Variants in INMT observed in about 807,000 individuals in gnomAD.
INMT encodes the protein indolethylamine N-methyltransferase.
In INMT, 11 loss-of-function variants were observed where a neutral mutation model predicts 11.5. The ratio of observed to expected loss-of-function variants is 0.95; its 90% CI spans 0.60 to 1.58. The LOEUF is 1.58. Ranked by LOEUF, INMT falls within the 40% of genes most tolerant of loss-of-function variation. The pLI is 0.00. For missense variants in INMT, 316 were observed against 336.1 expected (o/e 0.94, Z 0.47); for synonymous variants, 155 against 142.9 (o/e 1.08, Z -0.60).
Position 30,756,172 on chromosome 7 carries a change from G to A in INMT, c.*321G>A. On this transcript the variant is annotated 3_prime_UTR_variant, in exon 3 of 3. Transcript: ENST00000013222. ...GTCTACCTAATATGTTAAGGACAAG[G>A]AAACCTCTGAGTCTACCTAATATGT... 9.1e-7 allele frequency: 1 copy of A among 1,095,282 alleles called. No homozygotes were observed. The highest frequency in any genetic ancestry group is 1.6e-5 in the African/African-American group (1 of 62,240). 67.8% of individuals were successfully genotyped at this position (1,095,282 alleles called of 1,614,324 possible). A position where few individuals can be genotyped will look rare whatever the true frequency, so the allele number is the denominator to read the frequency against.
chr7:30,757,426 C>T lies in INMT; in HGVS notation c.*1575C>T. ...AGGAGCCAGGACACAGCTCAGCTTG[C>T]TCACGCCCAGAGAGAGAAAAAGTTA... is the stretch of plus-strand genomic sequence containing the variant. On this transcript the variant is annotated 3_prime_UTR_variant, in exon 3 of 3. Coordinates refer to ENST00000013222, the MANE Select transcript of INMT (RefSeq NM_006774.5). 1 of 226,972 alleles carries T rather than the reference C, an allele frequency of 4.4e-6. No homozygotes were observed. The highest frequency in any genetic ancestry group is 8.7e-6 in the Non-Finnish European group (1 of 115,084). The allele number at this position is 226,972 out of a possible 1,614,324, so 14.1% of individuals were successfully genotyped here. A position where few individuals can be genotyped will look rare whatever the true frequency, so the allele number is the denominator to read the frequency against.
At chr7:30,752,839 A>C (rs1033357194) in intron 1 of INMT, among the ~76,000 whole-genome samples, 1 of 152,264 alleles carries the variant, frequency 6.6e-6, no homozygotes, top group Middle Eastern at 3.4e-3. Context: ...TGCACGATGG[A>C]TGGTGACTTC....
At position 30,756,404 on chromosome 7, in the gene INMT, T is replaced by TTTTTTTTTTTTA. The variant is rs1786249253; in HGVS notation, c.*564_*565insATTTTTTTTTTT. 6.9e-6 allele frequency: 1 copy of TTTTTTTTTTTTA among 144,334 alleles called. No homozygotes were observed. The highest frequency in any genetic ancestry group is 2.8e-5 in the African/African-American group (1 of 35,788). The allele number at this position is 144,334 out of a possible 1,614,324, so 8.9% of individuals were successfully genotyped here. ...GAGCTCGCCACCACACCCAGCTAAT[T>TTTTTTTTTTTTA]TTTTTTTTTTTTTTTTTATTTGAGA... On this transcript the variant is annotated 3_prime_UTR_variant, in exon 3 of 3. Transcript: ENST00000013222.
Position 30,753,814 on chromosome 7 carries a change from G to C in INMT, c.238G>C (p.Asp80His). ...QVLAACDSFQ[D>H]ITLSDFTDRN... is the part of the protein sequence containing the mutation. ...TCTTGCTGCCTGTGATTCCTTCCAA[G>C]ACATCACTCTCTCCGACTTTACCGA... Residue 80 changes from aspartate to histidine, a missense_variant, in exon 2 of 3, where the codon GAC (aspartate) becomes CAC (histidine). Transcript: ENST00000013222. 1 of 1,614,184 alleles carries C rather than the reference G, an allele frequency of 6.2e-7. No individual in the cohort carries two copies. Among genetic ancestry groups the C allele is most frequent in the Non-Finnish European group, 8.5e-7 (1 of 1,180,036 alleles).
Position 30,755,770 on chromosome 7 carries a change from C to G in INMT, c.711C>G (p.His237Gln). The G allele has an allele frequency of 6.2e-7, 1 of 1,614,198 alleles. No individual in the cohort carries two copies. Among genetic ancestry groups the G allele is most frequent in the Non-Finnish European group, 8.5e-7 (1 of 1,180,022 alleles). The change falls in exon 3 of 3, where the codon CAC becomes CAG. Residue 237 changes from histidine to glutamine, a missense_variant. Physicochemically the swap from His to Gln is conservative, Grantham distance 24. Coordinates refer to ENST00000013222, the MANE Select transcript of INMT (RefSeq NM_006774.5). The stretch of plus-strand genomic sequence containing the variant: ...GCTTTGACATTGAACAGCTCCTACA[C>G]AGTCCCCAGAGCTACTCTGTCACCA... ...DAGFDIEQLLHSPQSYSVTNA... is the reference protein window; with the variant it reads ...DAGFDIEQLLQSPQSYSVTNA...
In INMT at chr7:30,755,754, T is replaced by C. The variant is rs772293503; in HGVS notation, c.695T>C (p.Ile232Thr). 1.2e-5 allele frequency: 19 copies of C among 1,614,170 alleles called. No individual in the cohort carries two copies. Among genetic ancestry groups the C allele is most frequent in the Non-Finnish European group, 1.3e-5 (15 of 1,180,024 alleles). The change falls in exon 3 of 3, where the codon ATT becomes ACT. Residue 232 changes from isoleucine to threonine, a missense_variant. By Grantham distance (89) the Ile-to-Thr change is moderately conservative. Transcript: ENST00000013222. ...EQAVLDAGFD[I>T]EQLLHSPQSY... Reference sequence around the variant, plus strand: ...GCTGTCCTGGATGCTGGCTTTGACATTGAACAGCTCCTACACAGTCCCCAG... The same window carrying C: ...GCTGTCCTGGATGCTGGCTTTGACACTGAACAGCTCCTACACAGTCCCCAG...
chr7:30,752,530 G>T (rs1053795466), intron 1 of INMT, among the ~76,000 whole-genome samples: 1 of 152,198 alleles, frequency 6.6e-6, no homozygotes, highest in South Asian at 2.1e-4. Context: ...GCACAGCCCC[G>T]TGCAGTTCCC....
chr7:30,752,407 T>C (rs1786106607), intron 1 of INMT, 103 bp downstream of exon 1: 14 of 965,226 alleles, frequency 1.5e-5, no homozygotes, highest in Non-Finnish European at 1.9e-5. Context: ...CTAGGGGTTT[T>C]TGGGGATGGG....
chr7:30,756,194 A>G lies in INMT; in HGVS notation c.*343A>G, dbSNP rs1285979160. 1.9e-6 allele frequency: 2 copies of G among 1,055,040 alleles called. No homozygotes were observed. The highest frequency in any genetic ancestry group is 1.1e-6 in the Non-Finnish European group (1 of 873,274). 65.4% of individuals were successfully genotyped at this position (1,055,040 alleles called of 1,614,324 possible). A position where few individuals can be genotyped will look rare whatever the true frequency, so the allele number is the denominator to read the frequency against. On this transcript the variant is annotated 3_prime_UTR_variant, in exon 3 of 3. Transcript: ENST00000013222. ...AAGGAAACCTCTGAGTCTACCTAAT[A>G]TGTTAAGGACAAGGAAACCTCTGGA...
rs58472657 is a variant in INMT, at chr7:30,756,402, A to ATTTTTTTTTTTTTTTTTTTTTTT, written c.*570_*571insTTTTTTTTTTTTTTTTTTTTTTT. On this transcript the variant is annotated 3_prime_UTR_variant, in exon 3 of 3. Coordinates refer to ENST00000013222, the MANE Select transcript of INMT (RefSeq NM_006774.5). ...AGGAGCTCGCCACCACACCCAGCTAATTTTTTTTTTTTTTTTTTTATTTGA... is the reference window on the plus strand; with the variant it reads ...AGGAGCTCGCCACCACACCCAGCTAATTTTTTTTTTTTTTTTTTTTTTTTTTTTTTTTTTTTTTTTTTATTTGA... 3 of 95,636 alleles carry ATTTTTTTTTTTTTTTTTTTTTTT rather than the reference A, an allele frequency of 3.1e-5. No individual in the cohort carries two copies. The highest frequency in any genetic ancestry group is 9.0e-5 in the African/African-American group (2 of 22,344). 5.9% of individuals were successfully genotyped at this position (95,636 alleles called of 1,614,324 possible).
chr7:30,753,915 C>A lies in INMT; in HGVS notation c.339C>A (p.Phe113Leu). The change falls in exon 2 of 3, where the codon TTC (phenylalanine) becomes TTA (leucine). Residue 113 changes from phenylalanine to leucine, a missense_variant. Transcript: ENST00000013222. ...GAYDWTPAVK[F>L]ACELEGNSGR... Reference sequence around the variant, plus strand: ...ATGACTGGACCCCAGCGGTGAAATTCGCCTGTGAGCTGGAAGGAAACAGGT... The same window carrying A: ...ATGACTGGACCCCAGCGGTGAAATTAGCCTGTGAGCTGGAAGGAAACAGGT... 6.2e-7 allele frequency: 1 copy of A among 1,613,994 alleles called. No individual in the cohort carries two copies. The highest frequency in any genetic ancestry group is 8.5e-7 in the Non-Finnish European group (1 of 1,179,984).
intron 1 of INMT, among the ~76,000 whole-genome samples, chr7:30,753,088 G>A (rs537902899): frequency 8.1e-4 from 123 of 152,310 alleles, no homozygotes; most frequent in Middle Eastern, 3.4e-3. Context: ...AGCTTGGAAG[G>A]CCAAGTGATG....
intron 1 of INMT, 30 bp from the exon 2 acceptor site, chr7:30,753,701 C>G (rs749054310): frequency 6.3e-7 from 1 of 1,597,394 alleles, no homozygotes; most frequent in Admixed American, 1.7e-5. Context: ...TTTCTTTTAC[C>G]CATCCATTAC....
chr7:30,755,426 C>A lies in INMT; in HGVS notation c.367C>A (p.Arg123=). The change falls in exon 3 of 3, where the codon CGA becomes AGA. Residue 123 remains arginine, a synonymous_variant. Transcript: ENST00000013222. ...FACELEGNSG[R]WEEKEEKLRA... ...ACTCCCTCTCTCTCTCTGCAGCGGC[C>A]GATGGGAGGAGAAGGAGGAGAAGCT... 1.9e-6 allele frequency: 3 copies of A among 1,590,878 alleles called. No individual in the cohort carries two copies. The highest frequency in any genetic ancestry group is 2.6e-6 in the Non-Finnish European group (3 of 1,175,800).
Position 30,755,251 on chromosome 7 carries a change from G to T in INMT, c.363-171G>T, listed in dbSNP as rs540138909. Among the ~76,000 whole-genome samples, 20 of 152,188 alleles carry T rather than the reference G, an allele frequency of 1.3e-4. No individual in the cohort carries two copies. In the South Asian group the frequency reaches 3.1e-3, roughly 24 times the overall value. The stretch of plus-strand genomic sequence containing the variant: ...CATTCTCCCTAACCATTTTTCTTTG[G>T]GAGAAACTGAGGCTCAGATTGAAGA... On this transcript the variant is annotated intron_variant, in intron 2 of 2. Transcript: ENST00000013222.
At position 30,753,852 on chromosome 7, in the gene INMT, G is replaced by A. The variant is rs1355447135; in HGVS notation, c.276G>A (p.Glu92=). The A allele has an allele frequency of 2.5e-6, 4 of 1,614,230 alleles. No homozygotes were observed. Among genetic ancestry groups the A allele is most frequent in the East Asian group, 4.5e-5 (2 of 44,888 alleles). ...CCGACTTTACCGACCGCAACCGGGA[G>A]GAGCTGGAAAAGTGGCTGAAGAAGG... ...TLSDFTDRNR[E]ELEKWLKKEP... Residue 92 remains glutamate (E), a synonymous_variant, in exon 2 of 3, where the codon GAG becomes GAA. Transcript: ENST00000013222.
chr7:30,753,858 G>A lies in INMT; in HGVS notation c.282G>A (p.Leu94=), dbSNP rs113474959. Residue 94 remains leucine, a synonymous_variant, in exon 2 of 3, where the codon CTG becomes CTA. Coordinates refer to ENST00000013222, the MANE Select transcript of INMT (RefSeq NM_006774.5). ...SDFTDRNREE[L]EKWLKKEPGA... ...TTACCGACCGCAACCGGGAGGAGCT[G>A]GAAAAGTGGCTGAAGAAGGAGCCGG... is the stretch of plus-strand genomic sequence containing the variant. 21 of 1,614,198 alleles carry A rather than the reference G, an allele frequency of 1.3e-5. No homozygotes were observed. The African/African-American group carries it at 1.3e-4, about 10-fold the overall frequency.
In INMT at chr7:30,753,904, G is replaced by A. The variant is rs371320528; in HGVS notation, c.328G>A (p.Ala110Thr). Residue 110 changes from alanine (A) to threonine (T), a missense_variant, in exon 2 of 3, where the codon GCG (alanine) becomes ACG (threonine). Physicochemically the swap from Ala to Thr is moderately conservative, Grantham distance 58 (BLOSUM62 0). Coordinates refer to ENST00000013222, the MANE Select transcript of INMT (RefSeq NM_006774.5). The part of the protein sequence containing the change: ...KEPGAYDWTP[A>T]VKFACELEGN... ...GCCGGGGGCCTATGACTGGACCCCA[G>A]CGGTGAAATTCGCCTGTGAGCTGGA... The A allele has an allele frequency of 1.9e-6, 3 of 1,614,044 alleles. No homozygotes were observed. The African/African-American group carries it at 4.0e-5, about 22-fold the overall frequency.
At position 30,754,040 on chromosome 7, in the gene INMT, C is replaced by T; in HGVS notation, c.362+102C>T. 1.7e-6 allele frequency: 2 copies of T among 1,184,462 alleles called. No homozygotes were observed. The highest frequency in any genetic ancestry group is 2.4e-6 in the Non-Finnish European group (2 of 825,704). The allele number at this position is 1,184,462 out of a possible 1,614,324, so 73.4% of individuals were successfully genotyped here. On this transcript the variant is annotated intron_variant, in intron 2 of 2. Transcript: ENST00000013222. This position sits in a 1 kb window ranked among gnomAD's most constrained non-coding sequence, Gnocchi z 4.9. ...TCTGACATTTTCAGGACAGTAGGAC[C>T]TTCAGGTATAGGACCAGATGTCCTG...
Sources: gnomAD v4.1 joint callset for allele counts (sites outside exome capture counted in the v4.1 genomes callset) on GRCh38, gnomAD v4.1.1 for gene constraint, Gnocchi (gnomAD v3.1) non-coding constraint, MANE v1.5 for transcripts, NCBI Gene and HGNC (gene_info 2026-07-23, HGNC 2026-07-21) for gene names.